GPHN: variants seen among roughly 807,000 people sequenced by gnomAD.
GPHN encodes gephyrin.
A neutral mutation model predicts 95.5 loss-of-function variants in GPHN; 17 were observed. That is an observed-to-expected ratio of 0.18 (90% confidence interval 0.12 to 0.27). The LOEUF (loss-of-function observed/expected upper bound fraction) is 0.27, where lower values mean the gene tolerates loss of function less well. Among genes scored for constraint, GPHN ranks in the 10% least tolerant of loss-of-function variants. The pLI is 1.00. For synonymous variants in GPHN, 320 were observed against 322.5 expected (o/e 0.99, Z 0.08); for missense variants, 660 against 978.1 (o/e 0.67, Z 4.34).
At chr14:67,395,526 G>T in the GPHN span, 1 of 1,614,146 alleles carries the variant, frequency 6.2e-7, no homozygotes, top group Non-Finnish European at 8.5e-7. Flanking sequence ...CGCTCCTCTC[G>T]AGAACAGGCC....
chr14:66,838,578 G>C (rs2061953661), intron 4 of GPHN, among the ~76,000 whole-genome samples: 1 of 151,976 alleles, frequency 6.6e-6, no homozygotes, highest in African/African-American at 2.4e-5. Flanking sequence ...AGAATACTTT[G>C]GTTTTGCAAA....
At chr14:66,928,987 G>A (rs2066633860) in intron 8 of GPHN, among the ~76,000 whole-genome samples, 1 of 151,510 alleles carries the variant, frequency 6.6e-6, no homozygotes, top group South Asian at 2.1e-4. Flanking sequence ...TGCAGCCATT[G>A]GATGAAATAT....
the GPHN span, among the ~76,000 whole-genome samples, chr14:67,319,928 C>T: frequency 6.6e-6 from 1 of 152,186 alleles, no homozygotes; most frequent in Non-Finnish European, 1.5e-5. Flanking sequence ...CTAGTTCATT[C>T]CCTGGTACCG....
the GPHN span, among the ~76,000 whole-genome samples, chr14:67,423,120 A>C: frequency 6.6e-6 from 1 of 152,096 alleles, no homozygotes; most frequent in Non-Finnish European, 1.5e-5. Context: ...GGGGTGAGCC[A>C]CCGAGCGGTG....
rs1173965370 is a variant in GPHN, at chr14:66,830,416, A to G, written c.294+5850A>G. Reference sequence around the variant, plus strand: ...AGAATTCTGCACTTTAAAAATTAATACAATGAATTTGTTGTACATTAAGTA... The same window carrying G: ...AGAATTCTGCACTTTAAAAATTAATGCAATGAATTTGTTGTACATTAAGTA... On this transcript the variant is annotated intron_variant, in intron 4 of 22. Transcript: ENST00000478722. 2.6e-5 allele frequency among the ~76,000 whole-genome samples: 4 copies of G among 152,158 alleles called. No homozygotes were observed. In the South Asian group the frequency reaches 6.2e-4, roughly 24 times the overall value.
At chr14:67,601,714 CA>C in the GPHN span, among the ~76,000 whole-genome samples, 2 of 151,810 alleles carry the variant, frequency 1.3e-5, no homozygotes, top group Non-Finnish European at 2.9e-5. Flanking sequence ...TCAGCCTGGC[CA>C]ACATGGTGAA....
At chr14:67,113,258 G>A in intron 16 of GPHN, 87 bp downstream of exon 16, 1 of 1,211,006 alleles carries the variant, frequency 8.3e-7, no homozygotes, top group South Asian at 1.2e-5. Flanking sequence ...TAAATAGAAT[G>A]TTGTAGATTA....
intron 4 of GPHN, among the ~76,000 whole-genome samples, chr14:66,835,622 AG>A (rs2061768945): frequency 6.6e-6 from 1 of 152,062 alleles, no homozygotes; most frequent in Non-Finnish European, 1.5e-5. Context: ...AAGGAAATAA[AG>A]GGTATTCAAT....
the GPHN span, among the ~76,000 whole-genome samples, chr14:67,458,122 T>C: frequency 6.6e-6 from 1 of 152,174 alleles, no homozygotes; most frequent in Non-Finnish European, 1.5e-5. Context: ...GCTGAGCCTT[T>C]TCCTCGCTCA....
At chr14:66,708,409 ATAT>A (rs1365078540) in intron 2 of GPHN, among the ~76,000 whole-genome samples, 17 of 152,280 alleles carry the variant, frequency 1.1e-4, no homozygotes, top group East Asian at 1.9e-4. Flanking sequence ...TATTAGTTAA[ATAT>A]TATCTCAATA....
chr14:67,268,034 C>T, the GPHN span, among the ~76,000 whole-genome samples: 1 of 152,134 alleles, frequency 6.6e-6, no homozygotes, highest in Non-Finnish European at 1.5e-5. Context: ...CCTATGCATA[C>T]TCATTACAAA....
intron 1 of GPHN, among the ~76,000 whole-genome samples, chr14:66,582,170 A>G (rs1322318969): frequency 6.6e-6 from 1 of 152,070 alleles, no homozygotes; most frequent in Admixed American, 6.6e-5. Flanking sequence ...GAAGATTGAA[A>G]TTATGCCAAA....
chr14:67,732,484 G>T, the GPHN span, among the ~76,000 whole-genome samples: 1 of 141,100 alleles, frequency 7.1e-6, no homozygotes, highest in Admixed American at 7.3e-5. Flanking sequence ...CCGGTTTTAT[G>T]TAAGAGAGAA....
At chr14:67,465,392 C>T in the GPHN span, among the ~76,000 whole-genome samples, 139 of 128,828 alleles carry the variant, frequency 1.1e-3, no homozygotes, top group African/African-American at 3.0e-3. Flanking sequence ...GGGGCAGAGG[C>T]GAGAAATGAG....
chr14:67,381,799 G>T, the GPHN span: 1 of 729,306 alleles, frequency 1.4e-6, no homozygotes, highest in East Asian at 2.6e-5. Context: ...AACAAAAGTG[G>T]GTTTTTTACT....
the GPHN span, among the ~76,000 whole-genome samples, chr14:67,327,682 C>T: frequency 9.9e-4 from 150 of 152,022 alleles, no homozygotes; most frequent in African/African-American, 3.5e-3. Context: ...ATGTTCCCCA[C>T]CCTGTGTCCT....
chr14:66,663,058 A>C (rs1302111125), intron 1 of GPHN, among the ~76,000 whole-genome samples: 1 of 152,210 alleles, frequency 6.6e-6, no homozygotes, highest in Non-Finnish European at 1.5e-5. Flanking sequence ...ATATTTCAGG[A>C]TATCTTCCAT....
At chr14:67,190,638 C>G in the GPHN span, among the ~76,000 whole-genome samples, 3 of 152,094 alleles carry the variant, frequency 2.0e-5, no homozygotes, top group African/African-American at 7.2e-5. Flanking sequence ...TTTAATTACT[C>G]AAATATTTCA....
the GPHN span, among the ~76,000 whole-genome samples, chr14:67,287,351 A>G: frequency 1.3e-5 from 2 of 151,930 alleles, no homozygotes; most frequent in Non-Finnish European, 2.9e-5. Context: ...CATTGTTCTG[A>G]TATAAGAAAA....
Sources: gnomAD v4.1 joint callset for allele counts (sites outside exome capture counted in the v4.1 genomes callset) on GRCh38, gnomAD v4.1.1 for gene constraint, MANE v1.5 for transcripts, NCBI Gene and HGNC (gene_info 2026-07-23, HGNC 2026-07-21) for gene names.